KCNC2: variants seen among roughly 807,000 people sequenced by gnomAD.
The protein encoded by KCNC2 is potassium voltage-gated channel subfamily C member 2, also known as voltage-gated potassium channel KCNC2.
A neutral mutation model predicts 44.5 loss-of-function variants in KCNC2; 21 were observed. That is an observed-to-expected ratio of 0.47 (90% CI 0.33 to 0.68). KCNC2 has a LOEUF of 0.68. Among genes scored for constraint, KCNC2 ranks in the 30% least tolerant of loss-of-function variants. The pLI is 0.01. For missense variants in KCNC2, 589 were observed against 826.2 expected (o/e 0.71, Z 3.52); for synonymous variants, 391 against 339.1 (o/e 1.15, Z -1.68).
intron 2 of KCNC2, among the ~76,000 whole-genome samples, chr12:75,111,427 G>A (rs755760627): frequency 7.9e-5 from 12 of 151,828 alleles, no homozygotes; most frequent in East Asian, 3.9e-4. Context: ...AGTTACAAAC[G>A]GTATCATTAT....
chr12:75,192,547 C>A (rs1359571720), intron 2 of KCNC2, among the ~76,000 whole-genome samples: 1 of 152,074 alleles, frequency 6.6e-6, no homozygotes, highest in African/African-American at 2.4e-5. Context: ...TAAGTGTCAC[C>A]GTCGTCCGAG....
In KCNC2 at chr12:75,173,531, T is replaced by G. The variant is rs114512565; in HGVS notation, c.687+33766A>C. On this transcript the variant is annotated intron_variant, in intron 2 of 4. Coordinates refer to ENST00000549446, the MANE Select transcript of KCNC2 (RefSeq NM_139137.4). ...GTATAAAGAATATTATATTCTTCAC[T>G]AAAGCACTTCCTATTTTTCATACTG... Among the ~76,000 whole-genome samples, 1,425 of 151,964 alleles carry G rather than the reference T, an allele frequency of 9.4e-3. 19 individuals are homozygous for G. The highest frequency in any genetic ancestry group is 0.029 in the South Asian group (142 of 4,830).
intron 2 of KCNC2, among the ~76,000 whole-genome samples, chr12:75,074,480 T>C (rs536149982): frequency 2.6e-5 from 4 of 152,266 alleles, no homozygotes; most frequent in South Asian, 4.1e-4. Flanking sequence ...CTTGCCCTTT[T>C]AGAAATTTAA....
At chr12:75,194,231 G>T (rs1337390603) in intron 2 of KCNC2, among the ~76,000 whole-genome samples, 2 of 152,068 alleles carry the variant, frequency 1.3e-5, no homozygotes, top group Non-Finnish European at 2.9e-5. Context: ...GCTAGAGTGG[G>T]CCATAATCCA....
intron 2 of KCNC2, among the ~76,000 whole-genome samples, chr12:75,201,927 A>T (rs1397378060): frequency 1.3e-5 from 2 of 151,824 alleles, no homozygotes; most frequent in African/African-American, 4.8e-5. Flanking sequence ...TTACTATTTT[A>T]TTTAGACACA....
At chr12:75,164,483 T>A (rs1891318962) in intron 2 of KCNC2, among the ~76,000 whole-genome samples, 1 of 151,654 alleles carries the variant, frequency 6.6e-6, no homozygotes, top group African/African-American at 2.4e-5. Flanking sequence ...TAGAAAACAT[T>A]CATATTTCTG....
At chr12:75,091,619 C>T (rs1413741321) in intron 2 of KCNC2, among the ~76,000 whole-genome samples, 1 of 151,614 alleles carries the variant, frequency 6.6e-6, no homozygotes, top group Non-Finnish European at 1.5e-5. Context: ...CTCTGCGATG[C>T]AAAATAGGTT....
chr12:75,147,588 T>C (rs943432225), intron 2 of KCNC2, among the ~76,000 whole-genome samples: 2 of 152,206 alleles, frequency 1.3e-5, no homozygotes, highest in African/African-American at 2.4e-5. Flanking sequence ...TAATTAAATT[T>C]GGACCTGGAA....
At chr12:75,145,580 C>A (rs1276697752) in intron 2 of KCNC2, among the ~76,000 whole-genome samples, 2 of 151,698 alleles carry the variant, frequency 1.3e-5, no homozygotes, top group South Asian at 2.1e-4. Flanking sequence ...TTCAACCATT[C>A]CTTGATCATC....
intron 4 of KCNC2, among the ~76,000 whole-genome samples, chr12:75,045,790 T>C (rs1388623182): frequency 6.6e-6 from 1 of 152,044 alleles, no homozygotes; most frequent in East Asian, 1.9e-4. Context: ...TTTTAGTGAA[T>C]CCTTAAAGTT....
intron 2 of KCNC2, among the ~76,000 whole-genome samples, chr12:75,160,377 T>A (rs566607723): frequency 1.3e-5 from 2 of 151,822 alleles, no homozygotes; most frequent in Non-Finnish European, 2.9e-5. Flanking sequence ...GTCTATTTTG[T>A]TATGGCACCA....
intron 4 of KCNC2, among the ~76,000 whole-genome samples, chr12:75,047,622 G>A (rs556414942): frequency 3.0e-4 from 46 of 152,040 alleles, no homozygotes; most frequent in Middle Eastern, 3.4e-3. Context: ...ATATGACTGC[G>A]GATCACGAGC....
intron 2 of KCNC2, among the ~76,000 whole-genome samples, chr12:75,172,786 G>T (rs940752143): frequency 1.3e-5 from 2 of 151,810 alleles, no homozygotes; most frequent in Non-Finnish European, 2.9e-5. Context: ...GGCTGCAACC[G>T]CAAGGCTACT....
intron 2 of KCNC2, among the ~76,000 whole-genome samples, chr12:75,185,293 T>G (rs1892862815): frequency 6.6e-6 from 1 of 152,134 alleles, no homozygotes; most frequent in African/African-American, 2.4e-5. Flanking sequence ...TTCTCTGTAT[T>G]TTGGAAAACA....
At chr12:75,079,263 A>AT (rs1884269380) in intron 2 of KCNC2, among the ~76,000 whole-genome samples, 1 of 152,110 alleles carries the variant, frequency 6.6e-6, no homozygotes, top group Admixed American at 6.6e-5. Context: ...TTGATCTTTC[A>AT]TAAGAACACA....
chr12:75,074,610 C>T (rs1883744693), intron 2 of KCNC2, among the ~76,000 whole-genome samples: 1 of 152,144 alleles, frequency 6.6e-6, no homozygotes, highest in African/African-American at 2.4e-5. Context: ...GCATGTAATT[C>T]AGTGGTTGGA....
chr12:75,146,357 T>C (rs1890028663), intron 2 of KCNC2, among the ~76,000 whole-genome samples: 1 of 152,190 alleles, frequency 6.6e-6, no homozygotes, highest in Non-Finnish European at 1.5e-5. Flanking sequence ...ATACAATATG[T>C]ATTACAGTTT....
At position 75,207,517 on chromosome 12, in the gene KCNC2, T is replaced by C; in HGVS notation, c.467A>G (p.Tyr156Cys). The C allele has an allele frequency of 6.2e-7, 1 of 1,612,186 alleles. No individual in the cohort carries two copies. The highest frequency in any genetic ancestry group is 8.5e-7 in the Non-Finnish European group (1 of 1,179,820). The change falls in exon 2 of 5, where the codon TAC (tyrosine) becomes TGC (cysteine). Residue 156 changes from tyrosine to cysteine, a missense_variant. By Grantham distance (194) the Tyr-to-Cys change is radical. Coordinates refer to ENST00000549446, the MANE Select transcript of KCNC2 (RefSeq NM_139137.4). The surrounding 1 kb of genome is among the most constrained non-coding windows in gnomAD (Gnocchi z 4.1). The part of the protein sequence containing the change: ...TDVEPCCWMT[Y>C]RQHRDAEEAL... ...CTCCTCGGCGTCGCGGTGCTGCCGG[T>C]AGGTCATCCAGCAGCAGGGCTCCAC... is the stretch of plus-strand genomic sequence containing the variant.
intron 2 of KCNC2, among the ~76,000 whole-genome samples, chr12:75,119,377 G>A (rs1887894412): frequency 6.6e-6 from 1 of 151,858 alleles, no homozygotes; most frequent in South Asian, 2.1e-4. Context: ...TTTCTCTCTA[G>A]TAGAGATCGT....
Sources: allele counts gnomAD v4.1 joint callset (sites outside exome capture counted in the v4.1 genomes callset), GRCh38; gene constraint gnomAD v4.1.1; non-coding constraint Gnocchi (gnomAD v3.1); transcripts MANE v1.5; gene names NCBI Gene and HGNC (gene_info 2026-07-23, HGNC 2026-07-21).